Variants in BRWD1 observed in about 807,000 individuals in gnomAD.
The protein encoded by BRWD1 is bromodomain and WD repeat-containing protein 1.
A neutral mutation model predicts 251.2 loss-of-function variants in BRWD1; 82 were observed. The ratio of observed to expected loss-of-function variants is 0.33; its 90% CI spans 0.27 to 0.39. The LOEUF (loss-of-function observed/expected upper bound fraction) is 0.39. Ranked by LOEUF, BRWD1 falls within the 10% of genes least tolerant of loss-of-function variation. The pLI, the probability that BRWD1 is intolerant of heterozygous loss-of-function variation, is 1.00. For synonymous variants in BRWD1, 918 were observed against 902.8 expected, an observed-to-expected ratio of 1.02 and a Z score of -0.30; for missense variants, 2,233 against 2,711.6, an observed-to-expected ratio of 0.82 and a Z score of 3.92.
rs2146446981 is a variant in BRWD1, at chr21:39,193,968, T to G, written c.*2291A>C. On this transcript the variant is annotated 3_prime_UTR_variant, in exon 41 of 41. Transcript: ENST00000342449. ...TTATTTTCTCCATTATCTCTCAGTT[T>G]TATTTCATAACTTGAGAAGCTACCA... 1 of 985,514 alleles carries G rather than the reference T, an allele frequency of 1.0e-6. No homozygotes were observed. The highest frequency in any genetic ancestry group is 1.1e-4 in the East Asian group (1 of 8,826). The allele number at this position is 985,514 out of a possible 1,614,324, so 61.0% of individuals were successfully genotyped here. A position where few individuals can be genotyped will look rare whatever the true frequency, so the allele number is the denominator to read the frequency against.
chr21:39,226,682 T>C (rs147787637), intron 27 of BRWD1, among the ~76,000 whole-genome samples: 7 of 152,356 alleles, frequency 4.6e-5, no homozygotes, highest in Non-Finnish European at 8.8e-5. Flanking sequence ...TCTCTGCATC[T>C]ACTCCCAAAA....
At chr21:39,310,631 T>G (rs1275667025) in intron 4 of BRWD1, among the ~76,000 whole-genome samples, 1 of 152,188 alleles carries the variant, frequency 6.6e-6, no homozygotes, top group Non-Finnish European at 1.5e-5. Context: ...TTATTCAAAT[T>G]TGATGATATA....
At chr21:39,295,964 A>C in intron 6 of BRWD1, 61 bp from the exon 7 acceptor site, 1 of 1,373,244 alleles carries the variant, frequency 7.3e-7, no homozygotes, top group Non-Finnish European at 9.7e-7. Context: ...ATCTAAGAAA[A>C]ACTCAAATAA....
Position 39,278,810 on chromosome 21 carries a change from T to C in BRWD1, c.936A>G (p.Pro312=), listed in dbSNP as rs201664856. The C allele has an allele frequency of 1.3e-6, 2 of 1,583,914 alleles. No individual in the cohort carries two copies. The highest frequency in any genetic ancestry group is 1.7e-6 in the Non-Finnish European group (2 of 1,168,272). The part of the protein sequence containing the change: ...QWDLESLKFS[P]RPLKFTEKPR... The stretch of plus-strand genomic sequence containing the variant: ...GCTTTTCAGTGAACTTCAGGGGACG[T>C]GGGCTTTAAAAGAAGAAGATGCTGC... Residue 312 remains proline, a synonymous_variant, in exon 10 of 41, where the codon CCA becomes CCG. Coordinates refer to ENST00000342449, the MANE Select transcript of BRWD1 (RefSeq NM_033656.4).
intron 32 of BRWD1, among the ~76,000 whole-genome samples, chr21:39,214,639 T>A (rs966467693): frequency 5.3e-5 from 8 of 152,066 alleles, no homozygotes; most frequent in Non-Finnish European, 8.8e-5. Context: ...ATTTTTTTTT[T>A]AACATTTCAT....
At chr21:39,313,415 G>T in intron 1 of BRWD1, 28 bp downstream of exon 1, 3 of 1,447,426 alleles carry the variant, frequency 2.1e-6, no homozygotes, top group Non-Finnish European at 2.7e-6. Flanking sequence ...GAGCGCCAGG[G>T]CGGGGGTGGC....
intron 10 of BRWD1, 47 bp from the exon 11 acceptor site, chr21:39,277,398 C>A (rs373378198): frequency 1.7e-6 from 2 of 1,148,648 alleles, no homozygotes; most frequent in South Asian, 1.8e-5. Flanking sequence ...ATAACAAATA[C>A]CTGAACAAAT....
Position 39,224,467 on chromosome 21 carries a change from CACCT to C in BRWD1, c.3321-2_3322del. The C allele has an allele frequency of 6.3e-7, 1 of 1,592,966 alleles. No individual in the cohort carries two copies. The highest frequency in any genetic ancestry group is 8.6e-7 in the Non-Finnish European group (1 of 1,168,152). On this transcript the variant is annotated splice_acceptor_variant and coding_sequence_variant, in exon 29 of 41. Coordinates refer to ENST00000342449, the MANE Select transcript of BRWD1 (RefSeq NM_033656.4). LOFTEE classifies it high-confidence loss of function. ...AAGTTTTTCAATTTCAGTATTATCC[CACCT>C]GTTAAAAAACAACAAATCTCTGGTT...
In BRWD1 at chr21:39,269,900, A is replaced by G. The variant is rs1203024264; in HGVS notation, c.1529T>C (p.Met510Thr). 4.0e-6 allele frequency: 6 copies of G among 1,514,392 alleles called. No individual in the cohort carries two copies. Among genetic ancestry groups the G allele is most frequent in the South Asian group, 1.4e-5 (1 of 72,764 alleles). The allele number at this position is 1,514,392 out of a possible 1,614,324, so 93.8% of individuals were successfully genotyped here. A position where few individuals can be genotyped will look rare whatever the true frequency, so the allele number is the denominator to read the frequency against. ...CAAGGTACATCTCACTTCACTTACCATATTAAAATAATGTTTCATCTTGGT... is the reference window on the plus strand; with the variant it reads ...CAAGGTACATCTCACTTCACTTACCGTATTAAAATAATGTTTCATCTTGGT... ...KGTKMKHYFNMIEGQGHGAVF... is the reference protein window; with the variant it reads ...KGTKMKHYFNTIEGQGHGAVF... Residue 510 changes from methionine (M) to threonine (T), a missense_variant and splice_region_variant, in exon 15 of 41, where the codon ATG becomes ACG. This residue lies in a region of BRWD1 where 315 missense variants were observed against 421.8 expected (regional missense o/e 0.75). Transcript: ENST00000342449.
chr21:39,212,038 AC>A (rs1355969495), intron 34 of BRWD1, among the ~76,000 whole-genome samples: 1 of 152,016 alleles, frequency 6.6e-6, no homozygotes, highest in Non-Finnish European at 1.5e-5. Context: ...CATCATCCCA[AC>A]ATATCTCCAT....
intron 31 of BRWD1, 105 bp from the exon 32 acceptor site, chr21:39,215,467 C>G: frequency 1.0e-6 from 1 of 997,510 alleles, no homozygotes; most frequent in Non-Finnish European, 1.5e-6. Flanking sequence ...ATAATTAAAC[C>G]ATAAGTGCAA....
intron 19 of BRWD1, among the ~76,000 whole-genome samples, 197 bp downstream of exon 19, chr21:39,255,448 A>T (rs1021527664): frequency 6.6e-6 from 1 of 152,138 alleles, no homozygotes; most frequent in African/African-American, 2.4e-5. Context: ...ACTGGCTCTG[A>T]AAACCTTTAA....
Position 39,232,435 on chromosome 21 carries a change from G to C in BRWD1, c.2830C>G (p.Pro944Ala), listed in dbSNP as rs149379602. 2 of 1,591,504 alleles carry C rather than the reference G, an allele frequency of 1.3e-6. No individual in the cohort carries two copies. The highest frequency in any genetic ancestry group is 2.7e-5 in the African/African-American group (2 of 73,166). The change falls in exon 24 of 41, where the codon CCA becomes GCA. Residue 944 changes from proline (P) to alanine (A), a missense_variant. Pro to Ala is a conservative substitution (Grantham distance 27). This residue lies in a region of BRWD1 where 139 missense variants were observed against 272.8 expected (regional missense o/e 0.51). Coordinates refer to ENST00000342449, the MANE Select transcript of BRWD1 (RefSeq NM_033656.4). ...AGTGTGGTGTCAGTAATCCAAACTG[G>C]AGGGTGAAATTCATATAAATGCTCC... ...NMEHLYEFHP[P>A]VWITDTTLRK...
intron 8 of BRWD1, among the ~76,000 whole-genome samples, chr21:39,280,833 A>G (rs539614905): frequency 1.3e-5 from 2 of 152,326 alleles, no homozygotes; most frequent in South Asian, 2.1e-4. Context: ...AATGATTTAA[A>G]TATTTTGAAA....
chr21:39,238,298 A>C (rs1245512843), intron 22 of BRWD1, among the ~76,000 whole-genome samples, 181 bp downstream of exon 22: 4 of 152,008 alleles, frequency 2.6e-5, no homozygotes, highest in Admixed American at 6.5e-5. Context: ...AAAAAAAAAA[A>C]AAAAAACTCC....
intron 7 of BRWD1, among the ~76,000 whole-genome samples, chr21:39,294,675 T>G (rs898508055): frequency 2.0e-5 from 3 of 147,834 alleles, no homozygotes; most frequent in Non-Finnish European, 4.5e-5. Flanking sequence ...AAAAAAAGTC[T>G]ATTCACATCA....
chr21:39,267,580 CAGAGAGAG>C (rs536424362), intron 15 of BRWD1, among the ~76,000 whole-genome samples: 2 of 151,998 alleles, frequency 1.3e-5, no homozygotes, highest in Non-Finnish European at 2.9e-5. Context: ...GCCTGGGCGA[CAGAGAGAG>C]ACTCTGTCTC....
rs2035217034 is a variant in BRWD1 at position 39,274,466 on chromosome 21, T to C, written c.1152A>G (p.Leu384=). 6.2e-7 allele frequency: 1 copy of C among 1,613,016 alleles called. No individual in the cohort carries two copies. Among genetic ancestry groups the C allele is most frequent in the Non-Finnish European group, 8.5e-7 (1 of 1,179,270 alleles). ...IQFCNNGDRF[L]SGSRDGTARI... ...GTGCTGTTCCATCTCTGCTACCACT[T>C]AGGAACCTTAAAACATTCAGAACAG... is the stretch of plus-strand genomic sequence containing the variant. Residue 384 remains leucine (L), a synonymous_variant, in exon 13 of 41, where the codon CTA becomes CTG. Coordinates refer to ENST00000342449, the MANE Select transcript of BRWD1 (RefSeq NM_033656.4).
intron 7 of BRWD1, among the ~76,000 whole-genome samples, chr21:39,294,239 T>C (rs903691246): frequency 3.3e-5 from 5 of 152,226 alleles, no homozygotes; most frequent in Admixed American, 1.3e-4. Flanking sequence ...TACATAAAGA[T>C]ACTGCCGAGT....
Sources: allele counts gnomAD v4.1 joint callset (sites outside exome capture counted in the v4.1 genomes callset), GRCh38; gene constraint gnomAD v4.1.1; regional missense constraint gnomAD v4.1.1; transcripts MANE v1.5; gene names NCBI Gene and HGNC (gene_info 2026-07-23, HGNC 2026-07-21).